Variants in NRXN1 observed in about 807,000 individuals in gnomAD.
NRXN1 encodes neurexin-1.
A neutral mutation model predicts 150.9 loss-of-function variants in NRXN1; 39 were observed. The observed-to-expected ratio is 0.26, with a 90% confidence interval of 0.20 to 0.34. The LOEUF (loss-of-function observed/expected upper bound fraction) is 0.34, where lower values mean the gene tolerates loss of function less well. Among genes scored for constraint, NRXN1 ranks in the 10% least tolerant of loss-of-function variants. The probability of loss-of-function intolerance (pLI) is 1.00; values close to 1 mark genes in which losing one functional copy is unlikely to be tolerated. For missense variants in NRXN1, 1,815 were observed against 1,949.9 expected (o/e 0.93, Z 1.30); for synonymous variants, 924 against 757.0 (o/e 1.22, Z -3.62).
chr2:49,977,770 T>C (rs904882867), intron 21 of NRXN1, among the ~76,000 whole-genome samples: 1 of 152,196 alleles, frequency 6.6e-6, no homozygotes, highest in Non-Finnish European at 1.5e-5. Flanking sequence ...CTGTTCTTCA[T>C]AGGTTTTTTA....
intron 5 of NRXN1, chr2:50,656,278 G>A (rs1686446130): frequency 2.9e-6 from 2 of 684,246 alleles, no homozygotes; most frequent in African/African-American, 3.6e-5. Flanking sequence ...CCACCCATGA[G>A]AAATTAAATA....
At chr2:50,462,172 T>C (rs2104618169) in intron 17 of NRXN1, among the ~76,000 whole-genome samples, 2 of 152,006 alleles carry the variant, frequency 1.3e-5, no homozygotes, top group East Asian at 3.9e-4. Flanking sequence ...TGCAGCATGC[T>C]ATAAAAACAC....
intron 18 of NRXN1, among the ~76,000 whole-genome samples, chr2:50,194,546 A>G (rs2152826639): frequency 6.6e-6 from 1 of 152,254 alleles, no homozygotes; most frequent in African/African-American, 2.4e-5. Flanking sequence ...AGCTGTTACA[A>G]TTCATACATG....
intron 21 of NRXN1, among the ~76,000 whole-genome samples, chr2:49,999,772 T>C (rs1683599148): frequency 6.6e-6 from 1 of 152,176 alleles, no homozygotes; most frequent in East Asian, 1.9e-4. Context: ...TCTAAACATA[T>C]ATCATCTTCA....
chr2:50,466,405 T>A (rs959160724), intron 16 of NRXN1: 4 of 447,158 alleles, frequency 8.9e-6, no homozygotes, highest in African/African-American at 8.3e-5. Flanking sequence ...TATTTTAGGG[T>A]TTCCACTGTG....
intron 17 of NRXN1, among the ~76,000 whole-genome samples, chr2:50,405,352 T>C (rs1234688915): frequency 6.6e-6 from 1 of 152,072 alleles, no homozygotes; most frequent in Non-Finnish European, 1.5e-5. Context: ...TAAAATGCTA[T>C]TGCAAACAAT....
At chr2:50,204,925 A>G (rs1231508479) in intron 18 of NRXN1, among the ~76,000 whole-genome samples, 1 of 152,070 alleles carries the variant, frequency 6.6e-6, no homozygotes, top group Admixed American at 6.6e-5. Context: ...TACTAAAGCC[A>G]CTAATCTCTA....
intron 5 of NRXN1, among the ~76,000 whole-genome samples, chr2:50,659,256 T>A (rs1233225501): frequency 6.6e-6 from 1 of 152,056 alleles, no homozygotes; most frequent in East Asian, 1.9e-4. Context: ...AGTAAACTAG[T>A]TCTCATTTTG....
Position 50,892,940 on chromosome 2 carries a change from A to C in NRXN1, c.832+28929T>G, listed in dbSNP as rs377212762. ...GGCCATGCTCTCTGGGTTTGCCCCT[A>C]GCCAATGACTAACCATGGCGTGGTC... is the stretch of plus-strand genomic sequence containing the variant. On this transcript the variant is annotated intron_variant, in intron 5 of 22. Coordinates refer to ENST00000401669, the MANE Select transcript of NRXN1 (RefSeq NM_001330078.2). 5.9e-5 allele frequency among the ~76,000 whole-genome samples: 9 copies of C among 152,270 alleles called. No individual in the cohort carries two copies. The Middle Eastern group carries it at 0.017, about 288-fold the overall frequency.
intron 10 of NRXN1, 81 bp from the exon 11 acceptor site, chr2:50,531,511 A>G: frequency 9.1e-7 from 1 of 1,099,432 alleles, no homozygotes; most frequent in Non-Finnish European, 1.3e-6. Flanking sequence ...ATCATTTATT[A>G]TCATTTATTT....
chr2:50,034,004 G>A (rs528951251), intron 21 of NRXN1, among the ~76,000 whole-genome samples: 2 of 151,080 alleles, frequency 1.3e-5, no homozygotes, highest in Non-Finnish European at 3.0e-5. Context: ...AGGTGCTGGT[G>A]AGGTTGCAAA....
rs77481176 is a variant in NRXN1, at chr2:50,203,121, C to G, written c.3546+33668G>C. Among the ~76,000 whole-genome samples the G allele has an allele frequency of 8.2e-3, 1,250 of 152,238 alleles. 23 individuals carry two copies. The highest frequency in any genetic ancestry group is 0.029 in the African/African-American group (1,185 of 41,544). ...GGTCGTACTGCAGGTGAAGAGCTAG[C>G]AAACCTATTGCCAGGTCTTCTGATA... On this transcript the variant is annotated intron_variant, in intron 18 of 22. Transcript: ENST00000401669.
At position 50,060,677 on chromosome 2, in the gene NRXN1, G is replaced by C. The variant is rs921386614; in HGVS notation, c.3719-5633C>G. On this transcript the variant is annotated intron_variant, in intron 19 of 22. Transcript: ENST00000401669. ...GGGAGGTAATTGAATCATGGGGACA[G>C]GTTTTTCTCATGGTGTTCTCATATA... Among the ~76,000 whole-genome samples, 3 of 152,118 alleles carry C rather than the reference G, an allele frequency of 2.0e-5. No homozygotes were observed. The South Asian group carries it at 6.2e-4, about 31-fold the overall frequency.
At chr2:50,371,784 A>T (rs1266281350) in intron 17 of NRXN1, among the ~76,000 whole-genome samples, 1 of 151,854 alleles carries the variant, frequency 6.6e-6, no homozygotes, top group Non-Finnish European at 1.5e-5. Context: ...AGATATTTTT[A>T]TATTTATAAA....
intron 15 of NRXN1, among the ~76,000 whole-genome samples, chr2:50,490,724 C>T (rs2111069): frequency 0.89 from 135,101 of 151,860 alleles, 60,383 homozygotes; most frequent in African/African-American, 0.95. Context: ...ACTGCTGTCA[C>T]GGTGGGGCAA....
At chr2:50,670,540 G>T (rs1574044062) in intron 5 of NRXN1, among the ~76,000 whole-genome samples, 1 of 151,834 alleles carries the variant, frequency 6.6e-6, no homozygotes, top group Non-Finnish European at 1.5e-5. Flanking sequence ...ATTACCATAG[G>T]ATAGTTATTA....
chr2:50,990,422 T>C (rs899190659), intron 2 of NRXN1, among the ~76,000 whole-genome samples: 12 of 152,056 alleles, frequency 7.9e-5, no homozygotes. Flanking sequence ...ATTACACTTT[T>C]CTTATCTACT....
At chr2:50,163,599 A>G (rs1263764902) in intron 18 of NRXN1, among the ~76,000 whole-genome samples, 1 of 152,154 alleles carries the variant, frequency 6.6e-6, no homozygotes, top group Non-Finnish European at 1.5e-5. Flanking sequence ...TTTACAGTTA[A>G]GGATTGACAA....
chr2:50,872,356 T>C (rs575656187), intron 5 of NRXN1, among the ~76,000 whole-genome samples: 41 of 151,800 alleles, frequency 2.7e-4, no homozygotes, highest in African/African-American at 9.4e-4. Flanking sequence ...AGTGCAGATA[T>C]ACGTTGTTGA....
Sources: allele counts gnomAD v4.1 joint callset (sites outside exome capture counted in the v4.1 genomes callset), GRCh38; gene constraint gnomAD v4.1.1; transcripts MANE v1.5; gene names NCBI Gene and HGNC (gene_info 2026-07-23, HGNC 2026-07-21).